ZFHX3: variants seen among roughly 807,000 people sequenced by gnomAD.
ZFHX3 encodes zinc finger homeobox protein 3.
Under a neutral mutation model 279.1 loss-of-function variants are expected in ZFHX3, and 42 were observed. The observed-to-expected ratio is 0.15, with a 90% CI of 0.12 to 0.19. The LOEUF is 0.19. ZFHX3 is among the 10% of genes least tolerant of loss of function. The pLI is 1.00. For synonymous variants in ZFHX3, 2,293 were observed against 1,957.8 expected (o/e 1.17, Z -4.52); for missense variants, 4,981 against 4,754.0 (o/e 1.05, Z -1.40).
At chr16:73,256,266 G>A (rs556120393) in intron 5 of ZFHX3, among the ~76,000 whole-genome samples, 1 of 152,108 alleles carries the variant, frequency 6.6e-6, no homozygotes, top group East Asian at 1.9e-4. Context: ...GGACTACAGA[G>A]CCAGGAATCA....
In ZFHX3 at chr16:73,230,041, AC is replaced by A. The variant is rs909980260; in HGVS notation, c.-1104+27005del. On this transcript the variant is annotated intron_variant, in intron 5 of 17. Coordinates refer to the ZFHX3 transcript ENST00000641206. ...AATACAGATGAATGAATTAATAGAG[AC>A]ACAAATGGATAGACAAGGAGATGAC... 2.7e-4 allele frequency among the ~76,000 whole-genome samples: 41 copies of A among 152,224 alleles called. 1 individual carries two copies. Among genetic ancestry groups the A allele is most frequent in the Admixed American group, 2.5e-3 (38 of 15,280 alleles).
chr16:73,156,452 A>G (rs1967087666), intron 5 of ZFHX3, among the ~76,000 whole-genome samples: 1 of 152,186 alleles, frequency 6.6e-6, no homozygotes, highest in African/African-American at 2.4e-5. Flanking sequence ...GAGAACTGCT[A>G]CCATGGATCC....
chr16:73,572,848 T>G (rs2051756172), intron 2 of ZFHX3, among the ~76,000 whole-genome samples: 1 of 152,198 alleles, frequency 6.6e-6, no homozygotes, highest in Admixed American at 6.5e-5. Flanking sequence ...TAAATTGGAA[T>G]CCTGTCTACT....
chr16:73,398,077 T>C (rs2017167227), intron 3 of ZFHX3, among the ~76,000 whole-genome samples: 1 of 152,172 alleles, frequency 6.6e-6, no homozygotes, highest in Non-Finnish European at 1.5e-5. Context: ...ACTCCTGCCC[T>C]CAGGTGATCC....
intron 1 of ZFHX3, among the ~76,000 whole-genome samples, chr16:73,833,235 C>T (rs1961047258): frequency 6.6e-6 from 1 of 152,066 alleles, no homozygotes; most frequent in Admixed American, 6.6e-5. Flanking sequence ...TGGTAGTACA[C>T]ACCTGTAGTC....
chr16:73,155,824 AAAACAAAC>A (rs78841817), intron 5 of ZFHX3, among the ~76,000 whole-genome samples: 1 of 150,738 alleles, frequency 6.6e-6, no homozygotes, highest in Non-Finnish European at 1.5e-5. Flanking sequence ...ACTCTGCCTC[AAAACAAAC>A]AAACAAACAA....
chr16:73,361,686 G>A (rs144608043), intron 3 of ZFHX3, among the ~76,000 whole-genome samples: 1 of 152,174 alleles, frequency 6.6e-6, no homozygotes, highest in African/African-American at 2.4e-5. Flanking sequence ...GCAAGTTAGG[G>A]GTCTGGTGTC....
At chr16:72,947,957 A>G (rs1054662794) in intron 3 of ZFHX3, among the ~76,000 whole-genome samples, 2 of 152,172 alleles carry the variant, frequency 1.3e-5, no homozygotes, top group Non-Finnish European at 2.9e-5. Flanking sequence ...GTGACTCTCA[A>G]ACCACCTCCA....
At chr16:73,036,946 C>T (rs1964929033) in intron 1 of ZFHX3, among the ~76,000 whole-genome samples, 2 of 152,142 alleles carry the variant, frequency 1.3e-5, no homozygotes, top group Non-Finnish European at 2.9e-5. Flanking sequence ...CTTCCTATGC[C>T]AATTTATTGT....
chr16:73,521,358 A>G (rs1383360533), intron 2 of ZFHX3, among the ~76,000 whole-genome samples: 1 of 152,248 alleles, frequency 6.6e-6, no homozygotes, highest in Non-Finnish European at 1.5e-5. Context: ...ATGAGCTGCC[A>G]TTGATAATAG....
chr16:73,223,791 G>A (rs2012501929), intron 5 of ZFHX3, among the ~76,000 whole-genome samples: 1 of 152,138 alleles, frequency 6.6e-6, no homozygotes, highest in Non-Finnish European at 1.5e-5. Context: ...GCCGAAACTT[G>A]AGAGTAACCA....
chr16:73,756,161 A>G (rs1443407418), intron 1 of ZFHX3, among the ~76,000 whole-genome samples: 1 of 152,234 alleles, frequency 6.6e-6, no homozygotes, highest in African/African-American at 2.4e-5. Context: ...AAGACCAGGT[A>G]TTCCCAGGTT....
chr16:72,922,641 G>A (rs182249139), intron 3 of ZFHX3, among the ~76,000 whole-genome samples: 88 of 152,272 alleles, frequency 5.8e-4, no homozygotes, highest in Non-Finnish European at 1.0e-3. Flanking sequence ...CTTATGGAAC[G>A]ACCGTCACTC....
chr16:73,247,624 A>G (rs2013331426), intron 5 of ZFHX3, among the ~76,000 whole-genome samples: 1 of 139,876 alleles, frequency 7.1e-6, no homozygotes, highest in Non-Finnish European at 1.5e-5. Flanking sequence ...CTGTATGTGG[A>G]GTGTGTGTGT....
intron 7 of ZFHX3, among the ~76,000 whole-genome samples, chr16:73,129,993 G>C (rs1204199965): frequency 6.6e-6 from 1 of 152,120 alleles, no homozygotes; most frequent in Admixed American, 6.5e-5. Flanking sequence ...TCCACTCTTT[G>C]TGACAATGAA....
At chr16:72,807,520 G>C (rs2143553976) in intron 7 of ZFHX3, 1 of 152,330 alleles carries the variant, frequency 6.6e-6, no homozygotes, top group East Asian at 1.9e-4. Flanking sequence ...AGACATATTA[G>C]ACACTGCAGG....
At chr16:73,616,295 A>G (rs866396605) in intron 2 of ZFHX3, among the ~76,000 whole-genome samples, 2 of 150,388 alleles carry the variant, frequency 1.3e-5, no homozygotes, top group African/African-American at 4.9e-5. Flanking sequence ...GTCTAAAATC[A>G]CGGTAATTGA....
At chr16:73,705,706 C>G (rs543948373) in intron 1 of ZFHX3, among the ~76,000 whole-genome samples, 1 of 152,256 alleles carries the variant, frequency 6.6e-6, no homozygotes, top group East Asian at 1.9e-4. Flanking sequence ...CCAAACAATT[C>G]CATCCACTCT....
intron 5 of ZFHX3, among the ~76,000 whole-genome samples, chr16:73,150,959 A>G (rs1966926548): frequency 6.6e-6 from 1 of 152,258 alleles, no homozygotes. Flanking sequence ...TCACTCAAAC[A>G]AAAACAAAAC....
Sources: allele counts gnomAD v4.1 joint callset (sites outside exome capture counted in the v4.1 genomes callset), GRCh38; gene constraint gnomAD v4.1.1; transcripts MANE v1.5; gene names NCBI Gene and HGNC (gene_info 2026-07-23, HGNC 2026-07-21).